The following ZNF845 variants were observed in gnomAD, a reference collection of about 807,000 sequenced individuals.
The protein encoded by ZNF845 is zinc finger protein 845.
Under a neutral mutation model 76.1 loss-of-function variants are expected in ZNF845, and 59 were observed. The ratio of observed to expected loss-of-function variants is 0.78; its 90% CI spans 0.63 to 0.96. ZNF845 has a LOEUF of 0.96. Ranked by LOEUF, ZNF845 falls within the 40% of genes least tolerant of loss-of-function variation. The probability of loss-of-function intolerance (pLI) is 0.00; values close to 1 mark genes in which losing one functional copy is unlikely to be tolerated. For synonymous variants in ZNF845, 361 were observed against 386.9 expected, an observed-to-expected ratio of 0.93 and a Z score of 0.78; for missense variants, 1,045 against 1,172.8, an observed-to-expected ratio of 0.89 and a Z score of 1.59.
rs1217626623 is a variant in ZNF845, at chr19:53,341,211, A to G, written c.-73-24A>G. ...AGGGGGTGTGTTGATTCTGAGCAATAAACAACATATTTTTAACATTCAGGA... is the reference window on the plus strand; with the variant it reads ...AGGGGGTGTGTTGATTCTGAGCAATGAACAACATATTTTTAACATTCAGGA... On this transcript the variant is annotated intron_variant, in intron 1 of 3. Transcript: ENST00000458035. 5.8e-6 allele frequency: 9 copies of G among 1,544,706 alleles called. No individual in the cohort carries two copies. The East Asian group carries it at 2.0e-4, about 35-fold the overall frequency.
At position 53,351,907 on chromosome 19, in the gene ZNF845, A is replaced by G. The variant is rs906967165; in HGVS notation, c.1232A>G (p.Tyr411Cys). 10 of 1,613,808 alleles carry G rather than the reference A, an allele frequency of 6.2e-6. No homozygotes were observed. Among genetic ancestry groups the G allele is most frequent in the South Asian group, 3.3e-5 (3 of 91,062 alleles). Residue 411 changes from tyrosine to cysteine, a missense_variant, in exon 4 of 4, where the codon TAT (tyrosine) becomes TGT (cysteine). By Grantham distance (194) the Tyr-to-Cys change is radical (BLOSUM62 -2). Transcript: ENST00000458035. ...AGACTTCATACTGGAGAGAAACCTT[A>G]TAAGTGTAATGATTGTGGCAAGACC... The part of the protein sequence containing the change: ...HRRLHTGEKP[Y>C]KCNDCGKTFS...
chr19:53,347,137 T>C (rs7260245), intron 3 of ZNF845, among the ~76,000 whole-genome samples: 129,799 of 152,176 alleles, frequency 0.85, 55,484 homozygotes, highest in Non-Finnish European at 0.88. Flanking sequence ...CCGCCTGCCT[T>C]GGCCTCTTAA....
In ZNF845 at chr19:53,353,654, C is replaced by T. The variant is rs1048576338; in HGVS notation, c.*66C>T. The T allele has an allele frequency of 3.3e-6, 5 of 1,521,796 alleles. No homozygotes were observed. The highest frequency in any genetic ancestry group is 2.6e-5 in the South Asian group (2 of 75,474). 94.3% of individuals were successfully genotyped at this position (1,521,796 alleles called of 1,614,324 possible). A position where few individuals can be genotyped will look rare whatever the true frequency, so the allele number is the denominator to read the frequency against. ...GTCTTGAAAGACAGGAGAATTCATA[C>T]TGGAGAGAAAGCTTACAAATGTAAG... is the stretch of plus-strand genomic sequence containing the variant. On this transcript the variant is annotated 3_prime_UTR_variant, in exon 4 of 4. Coordinates refer to ENST00000458035, the MANE Select transcript of ZNF845 (RefSeq NM_138374.3).
At position 53,345,778 on chromosome 19, in the gene ZNF845, G is replaced by A. The variant is rs565528806; in HGVS notation, c.142+146G>A. ...TCTTACTGCAATCTTGAATTCCTGG[G>A]CTCATGTGATTGTCCCACCTCAGCC... On this transcript the variant is annotated intron_variant, in intron 3 of 3. Transcript: ENST00000458035. 2,304 of 1,500,042 alleles carry A rather than the reference G, an allele frequency of 1.5e-3. 5 individuals carry two copies. The highest frequency in any genetic ancestry group is 1.8e-3 in the Non-Finnish European group (2,052 of 1,131,600). The allele number at this position is 1,500,042 out of a possible 1,614,324, so 92.9% of individuals were successfully genotyped here.
At position 53,351,308 on chromosome 19, in the gene ZNF845, A is replaced by G; in HGVS notation, c.633A>G (p.Arg211=). The G allele has an allele frequency of 6.2e-7, 1 of 1,614,234 alleles. No homozygotes were observed. The change falls in exon 4 of 4, where the codon AGA becomes AGG. Residue 211 remains arginine, a synonymous_variant. Transcript: ENST00000458035. ...CACAAAAGCAGGAAGTACACATGAG[A>G]GAAAAATCTTTCCAATGTAATGAGA... The part of the protein sequence containing the change: ...LLTQKQEVHM[R]EKSFQCNESG...
chr19:53,354,132 A>T lies in ZNF845; in HGVS notation c.*544A>T. 1 of 653,694 alleles carries T rather than the reference A, an allele frequency of 1.5e-6. No homozygotes were observed. Among genetic ancestry groups the T allele is most frequent in the Middle Eastern group, 3.0e-4 (1 of 3,366 alleles). 40.5% of individuals were successfully genotyped at this position (653,694 alleles called of 1,614,324 possible). A position where few individuals can be genotyped will look rare whatever the true frequency, so the allele number is the denominator to read the frequency against. On this transcript the variant is annotated 3_prime_UTR_variant, in exon 4 of 4. Coordinates refer to ENST00000458035, the MANE Select transcript of ZNF845 (RefSeq NM_138374.3). Reference sequence around the variant, plus strand: ...AGCCTTTACTTCACGTTCACACCTAATTAGACATCAGAGAATCCATACTGG... The same window carrying T: ...AGCCTTTACTTCACGTTCACACCTATTTAGACATCAGAGAATCCATACTGG...
At chr19:53,350,419 G>A (rs1276465974) in intron 3 of ZNF845, among the ~76,000 whole-genome samples, 1 of 152,182 alleles carries the variant, frequency 6.6e-6, no homozygotes, top group Admixed American at 6.5e-5. Flanking sequence ...ATAGTATATT[G>A]TGTGGTCTTT....
At chr19:53,338,014 T>C (rs2085228233) in intron 1 of ZNF845, among the ~76,000 whole-genome samples, 1 of 152,094 alleles carries the variant, frequency 6.6e-6, no homozygotes, top group Admixed American at 6.6e-5. Context: ...GATGCCTTTC[T>C]GCATGGATTA....
chr19:53,348,586 C>G (rs1348866310), intron 3 of ZNF845, among the ~76,000 whole-genome samples: 2 of 152,196 alleles, frequency 1.3e-5, no homozygotes, highest in Non-Finnish European at 2.9e-5. Context: ...GAACTTTGAA[C>G]CTGGCTTTTG....
At position 53,351,316 on chromosome 19, in the gene ZNF845, C is replaced by A. The variant is rs2085333247; in HGVS notation, c.641C>A (p.Ser214Tyr). ...CAGGAAGTACACATGAGAGAAAAAT[C>A]TTTCCAATGTAATGAGAGTGGCAAA... is the stretch of plus-strand genomic sequence containing the variant. ...QKQEVHMREK[S>Y]FQCNESGKAF... Residue 214 changes from serine (S) to tyrosine (Y), a missense_variant, in exon 4 of 4, where the codon TCT becomes TAT. Coordinates refer to ENST00000458035, the MANE Select transcript of ZNF845 (RefSeq NM_138374.3). 7 of 1,614,208 alleles carry A rather than the reference C, an allele frequency of 4.3e-6. No individual in the cohort carries two copies. Among genetic ancestry groups the A allele is most frequent in the Non-Finnish European group, 5.9e-6 (7 of 1,180,046 alleles).
chr19:53,343,010 G>A (rs904770836), intron 2 of ZNF845, among the ~76,000 whole-genome samples: 2 of 151,980 alleles, frequency 1.3e-5, no homozygotes, highest in African/African-American at 4.8e-5. Context: ...CTAGAGACAG[G>A]GTTTCACCAT....
intron 3 of ZNF845, among the ~76,000 whole-genome samples, chr19:53,348,847 ATTTTTTTTT>A (rs565694028): frequency 3.4e-4 from 33 of 96,624 alleles, no homozygotes; most frequent in East Asian, 6.3e-4. Context: ...TTGTTAGTCA[ATTTTTTTTT>A]TTTTTTTTTT....
At chr19:53,341,191 G>T (rs1555822088) in intron 1 of ZNF845, 44 bp from the exon 2 acceptor site, 8 of 1,450,240 alleles carry the variant, frequency 5.5e-6, no homozygotes, top group South Asian at 1.2e-5. Flanking sequence ...AACGGAGGGG[G>T]TGTGTTGATT....
intron 3 of ZNF845, among the ~76,000 whole-genome samples, chr19:53,349,290 T>TTTTTTG (rs1280852053): frequency 6.6e-6 from 1 of 151,850 alleles, no homozygotes; most frequent in East Asian, 1.9e-4. Context: ...TTTTTTTCTG[T>TTTTTTG]TTTTTGTTTT....
chr19:53,343,275 T>G (rs1024644652), intron 2 of ZNF845, among the ~76,000 whole-genome samples: 3 of 152,210 alleles, frequency 2.0e-5, no homozygotes, highest in African/African-American at 4.8e-5. Context: ...TCATGTTAGT[T>G]AACATGGCTA....
rs753749173 is a variant in ZNF845 at position 53,351,371 on chromosome 19, A to G, written c.696A>G (p.Lys232=). 4.3e-6 allele frequency: 7 copies of G among 1,614,216 alleles called. No homozygotes were observed. The Admixed American group carries it at 1.2e-4, about 27-fold the overall frequency. The change falls in exon 4 of 4, where the codon AAA becomes AAG. Residue 232 remains lysine (K), a synonymous_variant. Transcript: ENST00000458035. ...TTAATTATAGCTCAGTCTTAAGGAA[A>G]CATCAGATAATCCATTTAGGAGCGA... ...KAFNYSSVLR[K]HQIIHLGAKQ...
chr19:53,355,586 G>A lies in ZNF845; in HGVS notation c.*1998G>A, dbSNP rs1284377940. The A allele has an allele frequency of 6.6e-6, 1 of 152,076 alleles. No individual in the cohort carries two copies. Among genetic ancestry groups the A allele is most frequent in the Non-Finnish European group, 1.5e-5 (1 of 68,022 alleles). 9.4% of individuals were successfully genotyped at this position (152,076 alleles called of 1,614,324 possible). On this transcript the variant is annotated 3_prime_UTR_variant, in exon 4 of 4. Coordinates refer to ENST00000458035, the MANE Select transcript of ZNF845 (RefSeq NM_138374.3). ...CTGGGATTATGGGTGTGAGCCATGAGCCCGGCCCCAACAAATGTAATTTTA... is the reference window on the plus strand; with the variant it reads ...CTGGGATTATGGGTGTGAGCCATGAACCCGGCCCCAACAAATGTAATTTTA...
At chr19:53,347,444 T>G (rs143668619) in intron 3 of ZNF845, among the ~76,000 whole-genome samples, 124,052 of 148,008 alleles carry the variant, frequency 0.84, 51,947 homozygotes, top group Non-Finnish European at 0.88. Context: ...ACCTGGCTGT[T>G]TTTTTTTTTT....
chr19:53,352,191 T>G lies in ZNF845; in HGVS notation c.1516T>G (p.Phe506Val). 6.2e-7 allele frequency: 1 copy of G among 1,613,512 alleles called. No homozygotes were observed. The highest frequency in any genetic ancestry group is 1.3e-5 in the African/African-American group (1 of 74,842). ...KCEECDEAFS[F>V]KSNLERHRII... ...TGAAGAATGTGATGAAGCTTTCAGT[T>G]TCAAATCAAACCTTGAAAGACATAG... The change falls in exon 4 of 4, where the codon TTC becomes GTC. Residue 506 changes from phenylalanine to valine, a missense_variant. By Grantham distance (50) the Phe-to-Val change is conservative. Transcript: ENST00000458035.
Sources: allele counts gnomAD v4.1 joint callset (sites outside exome capture counted in the v4.1 genomes callset), GRCh38; gene constraint gnomAD v4.1.1; transcripts MANE v1.5; gene names NCBI Gene and HGNC (gene_info 2026-07-23, HGNC 2026-07-21).